The following MREG variants were observed in gnomAD, a reference collection of about 807,000 sequenced individuals.
MREG encodes melanoregulin.
MREG carries 31 observed loss-of-function variants against 28.5 expected under a neutral mutation model. That is an observed-to-expected ratio of 1.09 (90% CI 0.82 to 1.47). The LOEUF is 1.47. Ranked by LOEUF, MREG falls within the 40% of genes most tolerant of loss-of-function variation. The probability of loss-of-function intolerance (pLI) is 0.00; values close to 1 mark genes in which losing one functional copy is unlikely to be tolerated. For synonymous variants in MREG, 106 were observed against 95.2 expected (o/e 1.11, Z -0.66); for missense variants, 256 against 257.4 (o/e 0.99, Z 0.04).
intron 2 of MREG, among the ~76,000 whole-genome samples, chr2:215,988,271 C>G (rs1217597254): frequency 6.6e-6 from 1 of 152,146 alleles, no homozygotes; most frequent in Admixed American, 6.5e-5. Context: ...GGGGCGTTGC[C>G]TCACAGAGAA....
intron 2 of MREG, among the ~76,000 whole-genome samples, chr2:215,991,816 GACACAT>G (rs1295814908): frequency 6.6e-6 from 1 of 152,108 alleles, no homozygotes; most frequent in African/African-American, 2.4e-5. Flanking sequence ...TAAATTCCCG[GACACAT>G]ACACACTCCT....
At chr2:216,019,569 A>C (rs1035612841) in intron 1 of MREG, among the ~76,000 whole-genome samples, 1 of 151,662 alleles carries the variant, frequency 6.6e-6, no homozygotes, top group Admixed American at 6.6e-5. Context: ...CAGTGACGCA[A>C]TCTCGGCTCA....
intron 2 of MREG, among the ~76,000 whole-genome samples, chr2:215,994,417 TG>T (rs1693805076): frequency 6.7e-6 from 1 of 149,282 alleles, no homozygotes; most frequent in African/African-American, 2.5e-5. Context: ...TGTCAGGGGG[TG>T]GGGGCCTAGG....
chr2:215,968,256 C>G (rs911285103), intron 2 of MREG, among the ~76,000 whole-genome samples: 1 of 152,176 alleles, frequency 6.6e-6, no homozygotes, highest in Non-Finnish European at 1.5e-5. Context: ...TCACCTTCCT[C>G]TTGTGCTCTA....
At chr2:216,031,224 C>T (rs6732613) in intron 1 of MREG, among the ~76,000 whole-genome samples, 105,007 of 151,578 alleles carry the variant, frequency 0.69, 36,679 homozygotes, top group African/African-American at 0.76. Flanking sequence ...CTGGCCAACA[C>T]GGTGAAACCT....
chr2:215,967,111 A>G (rs1382678291), intron 2 of MREG, among the ~76,000 whole-genome samples: 2 of 152,170 alleles, frequency 1.3e-5, no homozygotes, highest in African/African-American at 4.8e-5. Flanking sequence ...TTTGTTTATA[A>G]TTACCCCAGT....
chr2:216,031,699 A>AAGAAAG (rs1559204175), intron 1 of MREG, among the ~76,000 whole-genome samples: 1 of 127,494 alleles, frequency 7.8e-6, no homozygotes, highest in South Asian at 2.9e-4. Context: ...AAGAGAAAGA[A>AAGAAAG]AGAAAGAAAG....
At chr2:215,950,312 T>C (rs1413238368) in intron 2 of MREG, among the ~76,000 whole-genome samples, 1 of 152,224 alleles carries the variant, frequency 6.6e-6, no homozygotes, top group African/African-American at 2.4e-5. Flanking sequence ...AAAACATCCT[T>C]CCCTTCCTGC....
intron 2 of MREG, among the ~76,000 whole-genome samples, chr2:215,949,081 C>CTAA (rs1491250872): frequency 0.025 from 2,390 of 96,078 alleles, 21 homozygotes; most frequent in South Asian, 0.034. Context: ...ACTACTACTA[C>CTAA]TACTACTAAT....
intron 2 of MREG, among the ~76,000 whole-genome samples, chr2:215,962,838 A>T (rs1264471613): frequency 6.6e-6 from 1 of 152,206 alleles, no homozygotes; most frequent in East Asian, 1.9e-4. Context: ...AGATTTTTGA[A>T]GACTTAAGAA....
chr2:215,994,499 G>A lies in MREG; in HGVS notation c.255+1807C>T, dbSNP rs528960955. Among the ~76,000 whole-genome samples the A allele has an allele frequency of 2.3e-4, 35 of 151,722 alleles. 2 individuals are homozygous for A. The highest frequency in any genetic ancestry group is 6.3e-4 in the African/African-American group (26 of 41,128). ...ATGGGTGAGCAAACCACCATGGCAC[G>A]TGTATACCTATGTAACCTGCACATT... On this transcript the variant is annotated intron_variant, in intron 2 of 4. Coordinates refer to ENST00000263268, the MANE Select transcript of MREG (RefSeq NM_018000.3).
intron 1 of MREG, 42 bp from the exon 2 acceptor site, chr2:215,996,507 C>T (rs752998843): frequency 6.8e-7 from 1 of 1,480,064 alleles, no homozygotes; most frequent in Non-Finnish European, 9.3e-7. Context: ...TTATAATATA[C>T]ATAAAATGTT....
upstream of MREG, among the ~76,000 whole-genome samples, chr2:216,015,175 GTGTGTTCGTGTA>G (rs1024613711): frequency 2.0e-5 from 3 of 151,906 alleles, no homozygotes; most frequent in African/African-American, 7.3e-5. Flanking sequence ...GCGCGTGCGT[GTGTGTTCGTGTA>G]TGTGTGCGTG....
chr2:215,961,073 T>C (rs1444113546), intron 2 of MREG, among the ~76,000 whole-genome samples: 4 of 152,044 alleles, frequency 2.6e-5, no homozygotes, highest in Admixed American at 6.5e-5. Flanking sequence ...CAAAGAAACA[T>C]AGTGACTGAG....
intron 2 of MREG, among the ~76,000 whole-genome samples, chr2:215,993,450 C>T (rs530200042): frequency 3.3e-5 from 5 of 152,220 alleles, no homozygotes; most frequent in South Asian, 4.1e-4. Context: ...AAACATAAGA[C>T]CTAAAACCAT....
chr2:215,959,879 T>G (rs1276722972), intron 2 of MREG, among the ~76,000 whole-genome samples: 1 of 152,206 alleles, frequency 6.6e-6, no homozygotes, highest in African/African-American at 2.4e-5. Context: ...TCTTACCAAT[T>G]GAAAGTAAAC....
intron 2 of MREG, among the ~76,000 whole-genome samples, chr2:215,954,927 G>A (rs534448573): frequency 9.9e-5 from 15 of 152,194 alleles, no homozygotes; most frequent in African/African-American, 2.6e-4. Context: ...GGTCTCGAAC[G>A]CCTGACCTCA....
Position 215,996,229 on chromosome 2 carries a change from A to G in MREG, c.255+77T>C. Reference sequence around the variant, plus strand: ...ATCCTTCATTCTTTTTGTTATTTCAAGGGGATCTTCTCAGGAATTACTATT... The same window carrying G: ...ATCCTTCATTCTTTTTGTTATTTCAGGGGGATCTTCTCAGGAATTACTATT... On this transcript the variant is annotated intron_variant, in intron 2 of 4. Transcript: ENST00000263268. The G allele has an allele frequency of 3.6e-6, 5 of 1,384,568 alleles. No individual in the cohort carries two copies. In the South Asian group the frequency reaches 7.9e-5, roughly 22 times the overall value. The allele number at this position is 1,384,568 out of a possible 1,614,324, so 85.8% of individuals were successfully genotyped here.
At chr2:215,955,019 A>G (rs1692586564) in intron 2 of MREG, among the ~76,000 whole-genome samples, 2 of 152,122 alleles carry the variant, frequency 1.3e-5, no homozygotes, top group Non-Finnish European at 2.9e-5. Flanking sequence ...ATTATTTGTT[A>G]AGGTAATACA....
Sources: allele counts gnomAD v4.1 joint callset (sites outside exome capture counted in the v4.1 genomes callset), GRCh38; gene constraint gnomAD v4.1.1; transcripts MANE v1.5; gene names NCBI Gene and HGNC (gene_info 2026-07-23, HGNC 2026-07-21).